The following CEP164 variants were observed in gnomAD, a reference collection of about 807,000 sequenced individuals.
CEP164 encodes the protein centrosomal protein of 164 kDa.
In CEP164, 162 loss-of-function variants were observed where a neutral mutation model predicts 182.7. The observed-to-expected ratio is 0.89, with a 90% CI of 0.78 to 1.01. CEP164 has a LOEUF of 1.01. Among genes scored for constraint, CEP164 ranks in the 50% least tolerant of loss-of-function variants. The probability of loss-of-function intolerance (pLI) is 0.00; values close to 1 mark genes in which losing one functional copy is unlikely to be tolerated. For missense variants in CEP164, 1,735 were observed against 1,790.4 expected (o/e 0.97, Z 0.56); for synonymous variants, 661 against 690.0 (o/e 0.96, Z 0.66).
chr11:117,390,717 T>C, intron 15 of CEP164, 60 bp from the exon 16 acceptor site: 1 of 1,605,600 alleles, frequency 6.2e-7, no homozygotes, highest in Non-Finnish European at 8.5e-7. Context: ...CCATAGCTTA[T>C]GAATAGAAGA....
At position 117,392,198 on chromosome 11, in the gene CEP164, C is replaced by T. The variant is rs577137870; in HGVS notation, c.2284-28C>T. 8 of 1,542,506 alleles carry T rather than the reference C, an allele frequency of 5.2e-6. No homozygotes were observed. In the African/African-American group the frequency reaches 8.2e-5, roughly 16 times the overall value. On this transcript the variant is annotated intron_variant, in intron 17 of 32. Transcript: ENST00000278935. ...ACCATGATCAGTACCTGGCCAGCTT[C>T]ACTCACAGTCCCTTTGCTCCTCCCC...
chr11:117,406,497 A>T (rs1226702596), intron 27 of CEP164, among the ~76,000 whole-genome samples: 1 of 152,238 alleles, frequency 6.6e-6, no homozygotes, highest in Non-Finnish European at 1.5e-5. Flanking sequence ...TATAATGTGC[A>T]AGGCAGTAGT....
At chr11:117,356,398 C>T (rs1479992911) in intron 5 of CEP164, 9 of 1,203,618 alleles carry the variant, frequency 7.5e-6, no homozygotes, top group Admixed American at 3.0e-5. Context: ...AGGGTGAGCA[C>T]GAGGCCATCA....
At position 117,393,004 on chromosome 11, in the gene CEP164, C is replaced by CT. The variant is rs1268961508; in HGVS notation, c.2495dup (p.Ser833GlnfsTer16). On this transcript the variant is annotated frameshift_variant and splice_region_variant, in exon 20 of 33. Transcript: ENST00000278935. LOFTEE classifies it high-confidence loss of function. Reference sequence around the variant, plus strand: ...CACATCCCTGCCATCTCCCCTGCAGCTCAGCAGTCTCCTGCGAGAGAAGCG... The same window carrying CT: ...CACATCCCTGCCATCTCCCCTGCAGCTTCAGCAGTCTCCTGCGAGAGAAGCG... The CT allele has an allele frequency of 9.3e-6, 15 of 1,612,986 alleles. No homozygotes were observed. The highest frequency in any genetic ancestry group is 1.3e-5 in the Non-Finnish European group (15 of 1,179,714).
chr11:117,407,611 C>T (rs963779116), intron 27 of CEP164, among the ~76,000 whole-genome samples: 3 of 151,986 alleles, frequency 2.0e-5, no homozygotes, highest in African/African-American at 4.8e-5. Context: ...TGTAATCAGG[C>T]CACTGCACTC....
intron 2 of CEP164, 73 bp from the exon 3 acceptor site, chr11:117,338,493 C>T (rs953570625): frequency 1.7e-5 from 19 of 1,105,544 alleles, no homozygotes; most frequent in African/African-American, 1.1e-4. Flanking sequence ...TGCTCCATGA[C>T]CCAGTGCCAA....
At position 117,408,025 on chromosome 11, in the gene CEP164, G is replaced by T; in HGVS notation, c.3602G>T (p.Trp1201Leu). The change falls in exon 28 of 33, where the codon TGG becomes TTG. Residue 1201 changes from tryptophan (W) to leucine (L), a missense_variant. Physicochemically the swap from Trp to Leu is moderately conservative, Grantham distance 61 (BLOSUM62 -2). Coordinates refer to ENST00000278935, the MANE Select transcript of CEP164 (RefSeq NM_014956.5). Reference protein sequence around the residue: ...EKLNQLESSLWEEASDEGTLG... With the variant: ...EKLNQLESSLLEEASDEGTLG... Reference sequence around the variant, plus strand: ...CTGAATCAGTTGGAGTCCTCTCTTTGGGAAGAGGTGCAGCCCCATGTCCAC... The same window carrying T: ...CTGAATCAGTTGGAGTCCTCTCTTTTGGAAGAGGTGCAGCCCCATGTCCAC... 1 of 1,584,380 alleles carries T rather than the reference G, an allele frequency of 6.3e-7. No homozygotes were observed. Among genetic ancestry groups the T allele is most frequent in the South Asian group, 1.2e-5 (1 of 86,350 alleles).
chr11:117,410,155 G>A (rs189189401), intron 30 of CEP164, 190 bp downstream of exon 30: 16 of 714,144 alleles, frequency 2.2e-5, no homozygotes, highest in Middle Eastern at 2.3e-4. Context: ...CCTGGGGAAG[G>A]AGACATTGCA....
In CEP164 at chr11:117,391,151, T is replaced by G. The variant is rs1592354521; in HGVS notation, c.2219T>G (p.Leu740Arg). The change falls in exon 17 of 33, where the codon CTG (leucine) becomes CGG (arginine). Residue 740 changes from leucine (L) to arginine (R), a missense_variant. Coordinates refer to ENST00000278935, the MANE Select transcript of CEP164 (RefSeq NM_014956.5). ...TCGGAGAAGAGCGAGCAGGCTGCCCTGAATGCTGCAAAGGAGAAGGCTCTG... is the reference window on the plus strand; with the variant it reads ...TCGGAGAAGAGCGAGCAGGCTGCCCGGAATGCTGCAAAGGAGAAGGCTCTG... ...EASEKSEQAA[L>R]NAAKEKALQQ... The G allele has an allele frequency of 6.2e-7, 1 of 1,613,452 alleles. No homozygotes were observed. The highest frequency in any genetic ancestry group is 8.5e-7 in the Non-Finnish European group (1 of 1,179,906).
At chr11:117,329,026 T>G (rs75235704) in intron 1 of CEP164, among the ~76,000 whole-genome samples, 6,978 of 152,312 alleles carry the variant, frequency 0.046, 306 homozygotes, top group South Asian at 0.19. Flanking sequence ...GATAACTTCC[T>G]AAGTGGTCTC....
At chr11:117,324,589 G>A (rs968141822), upstream of CEP164, among the ~76,000 whole-genome samples, 28 of 152,160 alleles carry the variant, frequency 1.8e-4, no homozygotes, top group African/African-American at 6.5e-4. Flanking sequence ...AATGCAAATT[G>A]TTGATTTGTG....
chr11:117,371,428 G>T lies in CEP164; in HGVS notation c.1114G>T (p.Ala372Ser). The T allele has an allele frequency of 6.2e-7, 1 of 1,613,686 alleles. No homozygotes were observed. Among genetic ancestry groups the T allele is most frequent in the South Asian group, 1.1e-5 (1 of 91,034 alleles). ...GGCAGCCAAGGAGCCAAAGAAGAAG[G>T]CTTCTGCTCTGGAAGAGGGCAGTTC... ...EEAAKEPKKK[A>S]SALEEGSSDA... Residue 372 changes from alanine to serine, a missense_variant, in exon 9 of 33, where the codon GCT (alanine) becomes TCT (serine). Coordinates refer to ENST00000278935, the MANE Select transcript of CEP164 (RefSeq NM_014956.5).
chr11:117,349,004 G>GTA (rs2039297160), intron 4 of CEP164, among the ~76,000 whole-genome samples: 1 of 152,060 alleles, frequency 6.6e-6, no homozygotes, highest in Non-Finnish European at 1.5e-5. Context: ...TCCATTGCAT[G>GTA]TATATACAAC....
rs756288878 is a variant in CEP164, at chr11:117,412,073, CCT to C, written c.4293_4294del (p.Phe1432LeufsTer18). The C allele has an allele frequency of 1.9e-6, 3 of 1,614,006 alleles. No homozygotes were observed. In the Admixed American group the frequency reaches 5.0e-5, roughly 27 times the overall value. ...AGTTTTCCTTCACCTTGTGGCCAGA[CCT>C]CTCTTCTCGTCAACACCCAAGCCAA... ...LERVKNDPRL[P>X]LFSSTPKPKA... On this transcript the variant is annotated frameshift_variant and splice_region_variant, in exon 33 of 33. Transcript: ENST00000278935. LOFTEE classifies it low-confidence loss of function (END_TRUNC).
At chr11:117,364,565 CTT>C (rs11356062) in intron 8 of CEP164, among the ~76,000 whole-genome samples, 89 of 135,554 alleles carry the variant, frequency 6.6e-4, no homozygotes, top group Non-Finnish European at 5.3e-4. Flanking sequence ...TTGGACAGGG[CTT>C]TTTTTTTTTT....
intron 2 of CEP164, among the ~76,000 whole-genome samples, chr11:117,335,923 C>T (rs1459072935): frequency 6.6e-6 from 1 of 152,148 alleles, no homozygotes; most frequent in Non-Finnish European, 1.5e-5. Flanking sequence ...AGATCTCAAA[C>T]TTGTCTTCAA....
chr11:117,392,746 G>C, intron 19 of CEP164, 119 bp downstream of exon 19: 1 of 1,409,416 alleles, frequency 7.1e-7, no homozygotes. Flanking sequence ...GCTGGGGTTA[G>C]CATTTCTAGT....
chr11:117,410,943 C>T (rs907820163), intron 31 of CEP164, 49 bp downstream of exon 31: 54 of 1,538,852 alleles, frequency 3.5e-5, no homozygotes, highest in Non-Finnish European at 4.6e-5. Context: ...AGTCGAGCTG[C>T]TCACTGTGCC....
rs745742553 is a variant in CEP164, at chr11:117,351,780, C to A, written c.195-10C>A. 3 of 1,612,732 alleles carry A rather than the reference C, an allele frequency of 1.9e-6. No homozygotes were observed. The highest frequency in any genetic ancestry group is 2.5e-6 in the Non-Finnish European group (3 of 1,179,488). ...GCAGGGACTAACTTCTGAACTCTGC[C>A]CATCCCCAGCCAGGACATCACAGGT... is the stretch of plus-strand genomic sequence containing the variant. On this transcript the variant is annotated splice_polypyrimidine_tract_variant and intron_variant, in intron 4 of 32. Transcript: ENST00000278935.
Sources: gnomAD v4.1 joint callset for allele counts (sites outside exome capture counted in the v4.1 genomes callset) on GRCh38, gnomAD v4.1.1 for gene constraint, MANE v1.5 for transcripts, NCBI Gene and HGNC (gene_info 2026-07-23, HGNC 2026-07-21) for gene names.